Variants in BABAM2 observed in about 807,000 individuals in gnomAD.
The protein encoded by BABAM2 is BRISC and BRCA1-A complex member 2.
A neutral mutation model predicts 54.7 loss-of-function variants in BABAM2; 31 were observed. The ratio of observed to expected loss-of-function variants is 0.57; its 90% confidence interval spans 0.43 to 0.77. BABAM2 has a LOEUF of 0.77. Among genes scored for constraint, BABAM2 ranks in the 30% least tolerant of loss-of-function variants. The pLI is 0.00. For missense variants in BABAM2, 364 were observed against 455.8 expected (o/e 0.80, Z 1.83); for synonymous variants, 167 against 162.9 (o/e 1.03, Z -0.19).
At chr2:28,292,305 C>T (rs1037141841) in intron 10 of BABAM2, among the ~76,000 whole-genome samples, 7 of 152,136 alleles carry the variant, frequency 4.6e-5, no homozygotes, top group Admixed American at 6.5e-5. Context: ...CGAACTGTCC[C>T]GCAAAACTGA....
At chr2:28,133,342 G>A (rs969430362) in intron 7 of BABAM2, among the ~76,000 whole-genome samples, 2 of 152,088 alleles carry the variant, frequency 1.3e-5, no homozygotes, top group Non-Finnish European at 1.5e-5. Flanking sequence ...ATTGATTATC[G>A]ATTCAGACTT....
chr2:28,171,548 C>A (rs1573744861), intron 7 of BABAM2, among the ~76,000 whole-genome samples: 1 of 152,148 alleles, frequency 6.6e-6, no homozygotes, highest in African/African-American at 2.4e-5. Context: ...TCTAGTAGAT[C>A]TTCCCGTAAT....
At position 28,244,881 on chromosome 2, in the gene BABAM2, TC is replaced by T; in HGVS notation, c.934+20del. ...GTACACAGTGAGTATACTTTTGCTG[TC>T]AGCATGTCAGCATACATTTTTAAAT... On this transcript the variant is annotated intron_variant, in intron 10 of 11. Coordinates refer to ENST00000379624, the MANE Select transcript of BABAM2 (RefSeq NM_199191.3). 1 of 1,594,052 alleles carries T rather than the reference TC, an allele frequency of 6.3e-7. No individual in the cohort carries two copies. The highest frequency in any genetic ancestry group is 8.6e-7 in the Non-Finnish European group (1 of 1,162,356).
intron 3 of BABAM2, among the ~76,000 whole-genome samples, chr2:27,966,119 T>G (rs1360529939): frequency 1.3e-5 from 2 of 152,216 alleles, no homozygotes; most frequent in Non-Finnish European, 2.9e-5. Flanking sequence ...AGGTAACATA[T>G]TCTTTCATTA....
intron 11 of BABAM2, chr2:28,308,284 C>T (rs909541397): frequency 2.4e-6 from 1 of 409,602 alleles, no homozygotes; most frequent in Non-Finnish European, 4.7e-6. Flanking sequence ...CCAATCCACA[C>T]ATCACCCACC....
At chr2:27,940,341 G>T (rs1325795422) in intron 3 of BABAM2, among the ~76,000 whole-genome samples, 2 of 152,150 alleles carry the variant, frequency 1.3e-5, no homozygotes, top group African/African-American at 4.8e-5. Context: ...TTCCATTTGT[G>T]TTTTTGTGTA....
At chr2:27,996,240 C>G (rs2148502750) in intron 4 of BABAM2, 1 of 154,714 alleles carries the variant, frequency 6.5e-6, no homozygotes, top group African/African-American at 2.4e-5. Context: ...TTACTGTCCC[C>G]TCTGATAGGG....
chr2:28,107,437 C>T lies in BABAM2; in HGVS notation c.571-21834C>T, dbSNP rs191946224. Among the ~76,000 whole-genome samples the T allele has an allele frequency of 7.9e-5, 12 of 152,276 alleles. No individual in the cohort carries two copies. In the East Asian group the frequency reaches 1.9e-3, roughly 24 times the overall value. ...TTACGCTCTGGCCCTTAAATGTGTT[C>T]AGCTTTGTCTTTCACCCTTCTCACC... On this transcript the variant is annotated intron_variant, in intron 6 of 11. Coordinates refer to ENST00000379624, the MANE Select transcript of BABAM2 (RefSeq NM_199191.3).
intron 4 of BABAM2, among the ~76,000 whole-genome samples, chr2:28,018,472 G>A (rs1168307332): frequency 6.6e-6 from 1 of 152,176 alleles, no homozygotes; most frequent in Non-Finnish European, 1.5e-5. Context: ...GCATGCATGT[G>A]TAAGTATCTT....
chr2:28,195,220 A>G (rs1459092947), intron 7 of BABAM2, among the ~76,000 whole-genome samples: 1 of 152,210 alleles, frequency 6.6e-6, no homozygotes, highest in Non-Finnish European at 1.5e-5. Context: ...TCTGCAGTCC[A>G]CAAGAATACT....
At chr2:28,077,467 A>G (rs183628325) in intron 6 of BABAM2, among the ~76,000 whole-genome samples, 5 of 152,286 alleles carry the variant, frequency 3.3e-5, no homozygotes, top group Admixed American at 1.3e-4. Context: ...TTTATTTCAC[A>G]AAAAACTTGA....
intron 11 of BABAM2, among the ~76,000 whole-genome samples, chr2:28,323,310 C>G (rs1553367263): frequency 6.6e-6 from 1 of 152,192 alleles, no homozygotes; most frequent in Non-Finnish European, 1.5e-5. Flanking sequence ...GATCTGGAGA[C>G]AAAGGGGAGA....
At chr2:28,014,120 A>T (rs1203318158) in intron 4 of BABAM2, among the ~76,000 whole-genome samples, 1 of 152,138 alleles carries the variant, frequency 6.6e-6, no homozygotes, top group East Asian at 1.9e-4. Context: ...ATGATTACTG[A>T]TTCCACTTAG....
At chr2:27,958,468 T>C (rs993602063) in intron 3 of BABAM2, among the ~76,000 whole-genome samples, 1 of 93,550 alleles carries the variant, frequency 1.1e-5, no homozygotes, top group Admixed American at 1.5e-4. Context: ...ATATATTTTA[T>C]ATATATACAT....
chr2:27,926,673 G>A (rs143492131), intron 2 of BABAM2, among the ~76,000 whole-genome samples: 2 of 152,042 alleles, frequency 1.3e-5, no homozygotes, highest in East Asian at 1.9e-4. Context: ...ACCATGAGAC[G>A]GTAGATCTTC....
At chr2:28,326,214 A>T (rs1690439879) in intron 11 of BABAM2, among the ~76,000 whole-genome samples, 2 of 152,182 alleles carry the variant, frequency 1.3e-5, no homozygotes, top group South Asian at 4.1e-4. Context: ...CAGGCGGCCC[A>T]CTTTTCCCAG....
At position 27,988,010 on chromosome 2, in the gene BABAM2, G is replaced by A. The variant is rs1672524900; in HGVS notation, c.223G>A (p.Ala75Thr). The A allele has an allele frequency of 6.2e-7, 1 of 1,612,656 alleles. No homozygotes were observed. The highest frequency in any genetic ancestry group is 8.5e-7 in the Non-Finnish European group (1 of 1,178,812). Residue 75 changes from alanine (A) to threonine (T), a missense_variant, in exon 4 of 12, where the codon GCC (alanine) becomes ACC (threonine). By Grantham distance (58) the Ala-to-Thr change is moderately conservative (BLOSUM62 0). Transcript: ENST00000379624. ...ETLKWDIIFN[A>T]QYPELPPDFI... ...TATTTCAGGGGATATCATTTTCAAT[G>A]CCCAATACCCAGAACTGCCTCCCGA...
At chr2:27,997,087 AATT>A (rs1469288602) in intron 4 of BABAM2, among the ~76,000 whole-genome samples, 1 of 152,176 alleles carries the variant, frequency 6.6e-6, no homozygotes, top group East Asian at 1.9e-4. Context: ...GAATTAATAA[AATT>A]AATCAATAAT....
intron 7 of BABAM2, among the ~76,000 whole-genome samples, chr2:28,181,759 A>G (rs1271514581): frequency 6.6e-6 from 1 of 152,108 alleles, no homozygotes; most frequent in East Asian, 1.9e-4. Flanking sequence ...TTTATTTTAA[A>G]AAAAGAAAAA....
Sources: gnomAD v4.1 joint callset for allele counts (sites outside exome capture counted in the v4.1 genomes callset) on GRCh38, gnomAD v4.1.1 for gene constraint, MANE v1.5 for transcripts, NCBI Gene and HGNC (gene_info 2026-07-23, HGNC 2026-07-21) for gene names.